NEDD4L: variants seen among roughly 807,000 people sequenced by gnomAD.
The protein encoded by NEDD4L is NEDD4 like E3 ubiquitin protein ligase, also known as E3 ubiquitin-protein ligase NEDD4-like.
NEDD4L carries 54 observed loss-of-function variants against 148.9 expected under a neutral mutation model. The observed-to-expected ratio is 0.36, with a 90% confidence interval of 0.29 to 0.45. The LOEUF (loss-of-function observed/expected upper bound fraction) is 0.45. Among genes scored for constraint, NEDD4L ranks in the 20% least tolerant of loss-of-function variants. The pLI is 1.00. For missense variants in NEDD4L, 856 were observed against 1,233.8 expected, an observed-to-expected ratio of 0.69 and a Z score of 4.59; for synonymous variants, 433 against 440.7, an observed-to-expected ratio of 0.98 and a Z score of 0.22.
intron 2 of NEDD4L, among the ~76,000 whole-genome samples, chr18:58,170,187 T>A (rs1425747349): frequency 6.6e-6 from 1 of 152,060 alleles, no homozygotes; most frequent in East Asian, 1.9e-4. Flanking sequence ...TGCCTTTGCC[T>A]GTGTTTTCCC....
chr18:58,367,601 C>A, intron 21 of NEDD4L, 145 bp from the exon 22 acceptor site: 2 of 780,004 alleles, frequency 2.6e-6, no homozygotes, highest in Non-Finnish European at 4.2e-6. Context: ...TGTGGTAAGT[C>A]AGGTCCTCTA....
intron 2 of NEDD4L, among the ~76,000 whole-genome samples, chr18:58,211,420 A>G (rs1190549403): frequency 1.3e-5 from 2 of 152,230 alleles, no homozygotes; most frequent in Non-Finnish European, 2.9e-5. Context: ...GAAGTTAAGT[A>G]TTTCTTTCAC....
intron 9 of NEDD4L, among the ~76,000 whole-genome samples, chr18:58,328,486 T>A (rs1000150160): frequency 3.9e-5 from 6 of 152,174 alleles, no homozygotes; most frequent in Admixed American, 3.3e-4. Flanking sequence ...CTGAAAAAAA[T>A]TCATGTTGGA....
chr18:58,196,376 T>A (rs2040689763), intron 2 of NEDD4L, among the ~76,000 whole-genome samples: 1 of 152,248 alleles, frequency 6.6e-6, no homozygotes, highest in African/African-American at 2.4e-5. Context: ...ATGAGTCACA[T>A]GACCCCTAAC....
chr18:58,256,482 A>T lies in NEDD4L; in HGVS notation c.297+4428A>T. On this transcript the variant is annotated intron_variant, in intron 5 of 30. Coordinates refer to ENST00000400345, the MANE Select transcript of NEDD4L (RefSeq NM_001144967.3). The surrounding 1 kb of genome is among the most constrained non-coding windows in gnomAD (Gnocchi z 5.2). ...GTGAGGTATCCTCGCATTCGGCTGG[A>T]GAGGAGCACCTCGTACCCCACGCAG... The T allele has an allele frequency of 2.4e-6, 3 of 1,232,262 alleles. No individual in the cohort carries two copies. The African/African-American group carries it at 4.6e-5, about 19-fold the overall frequency. The allele number at this position is 1,232,262 out of a possible 1,614,324, so 76.3% of individuals were successfully genotyped here. A position where few individuals can be genotyped will look rare whatever the true frequency, so the allele number is the denominator to read the frequency against.
chr18:58,333,441 A>G (rs963927293), intron 11 of NEDD4L, among the ~76,000 whole-genome samples: 1 of 152,224 alleles, frequency 6.6e-6, no homozygotes, highest in African/African-American at 2.4e-5. Context: ...TCTTCCGTCT[A>G]TTCACATCAC....
intron 2 of NEDD4L, among the ~76,000 whole-genome samples, chr18:58,180,634 C>G (rs1416047465): frequency 6.6e-6 from 1 of 152,210 alleles, no homozygotes; most frequent in Non-Finnish European, 1.5e-5. Flanking sequence ...TTTCATTACC[C>G]TTGCATTTCA....
intron 5 of NEDD4L, among the ~76,000 whole-genome samples, chr18:58,271,151 T>G (rs73437209): frequency 0.021 from 3,181 of 152,324 alleles, 107 homozygotes; most frequent in African/African-American, 0.072. Flanking sequence ...GTTTAGGAAT[T>G]GGATATGTAG....
At chr18:58,311,740 A>T (rs1206519085) in intron 5 of NEDD4L, among the ~76,000 whole-genome samples, 2 of 152,082 alleles carry the variant, frequency 1.3e-5, no homozygotes, top group Non-Finnish European at 2.9e-5. Flanking sequence ...GTTTGAATGG[A>T]TGTGTTCTTT....
chr18:58,361,899 A>AG (rs1384528267), intron 19 of NEDD4L, among the ~76,000 whole-genome samples: 2 of 149,584 alleles, frequency 1.3e-5, no homozygotes, highest in African/African-American at 5.0e-5. Flanking sequence ...AAAAAAAAAA[A>AG]TGTACGTGTA....
At position 58,233,374 on chromosome 18, in the gene NEDD4L, T is replaced by C. The variant is rs535439286; in HGVS notation, c.123-12053T>C. Among the ~76,000 whole-genome samples, 7 of 152,290 alleles carry C rather than the reference T, an allele frequency of 4.6e-5. No homozygotes were observed. In the East Asian group the frequency reaches 1.3e-3, roughly 29 times the overall value. On this transcript the variant is annotated intron_variant, in intron 2 of 30. Coordinates refer to ENST00000400345, the MANE Select transcript of NEDD4L (RefSeq NM_001144967.3). ...GGCCGGGGAGGCCTCACAATCATGG[T>C]AGAAGGCAAAAGGCACATCTTACAT...
chr18:58,283,523 A>G (rs920604693), intron 5 of NEDD4L, among the ~76,000 whole-genome samples: 2 of 152,198 alleles, frequency 1.3e-5, no homozygotes, highest in African/African-American at 4.8e-5. Context: ...AGAGATATGC[A>G]ATATTTGAGA....
Position 58,351,065 on chromosome 18 carries a change from GAC to G in NEDD4L, c.1708+26_1708+27del, listed in dbSNP as rs2043819290. ...ATCATAGTAAGTAGGCGCTGTTATG[GAC>G]ACACAGGTGTTGTGGGTTAGAGGGA... On this transcript the variant is annotated intron_variant, in intron 18 of 30. Transcript: ENST00000400345. 6.3e-7 allele frequency: 1 copy of G among 1,575,256 alleles called. No homozygotes were observed. The highest frequency in any genetic ancestry group is 1.8e-5 in the Admixed American group (1 of 54,740).
intron 8 of NEDD4L, 47 bp downstream of exon 8, chr18:58,323,381 C>T: frequency 1.0e-6 from 1 of 987,200 alleles, no homozygotes; most frequent in South Asian, 1.4e-5. Flanking sequence ...AGATCATATT[C>T]ATGTTTTGCT....
At chr18:58,061,005 C>A (rs772436797) in intron 1 of NEDD4L, among the ~76,000 whole-genome samples, 1 of 152,112 alleles carries the variant, frequency 6.6e-6, no homozygotes, top group East Asian at 1.9e-4. Context: ...AGTGATGTAC[C>A]GGTCTCGGCC....
chr18:58,084,665 G>T (rs1191707039), intron 1 of NEDD4L, among the ~76,000 whole-genome samples: 2 of 138,136 alleles, frequency 1.4e-5, no homozygotes, highest in Admixed American at 1.5e-4. Flanking sequence ...ATATCTTGTG[G>T]GGTTTTTGTG....
At chr18:58,332,285 G>A (rs187671089) in intron 11 of NEDD4L, among the ~76,000 whole-genome samples, 3 of 152,088 alleles carry the variant, frequency 2.0e-5, no homozygotes, top group Non-Finnish European at 2.9e-5. Flanking sequence ...ATTTCACATC[G>A]TGTTCACTGT....
At chr18:58,282,882 A>C (rs1419435314) in intron 5 of NEDD4L, among the ~76,000 whole-genome samples, 1 of 152,168 alleles carries the variant, frequency 6.6e-6, no homozygotes, top group Non-Finnish European at 1.5e-5. Context: ...CATCTCAGTG[A>C]ATTAACCCAC....
At chr18:58,118,928 C>T (rs2086038224) in intron 1 of NEDD4L, among the ~76,000 whole-genome samples, 1 of 152,234 alleles carries the variant, frequency 6.6e-6, no homozygotes, top group Non-Finnish European at 1.5e-5. Context: ...AGGTCCTAAC[C>T]TCAGCTCACA....
Sources: allele counts gnomAD v4.1 joint callset (sites outside exome capture counted in the v4.1 genomes callset), GRCh38; gene constraint gnomAD v4.1.1; non-coding constraint Gnocchi (gnomAD v3.1); transcripts MANE v1.5; gene names NCBI Gene and HGNC (gene_info 2026-07-23, HGNC 2026-07-21).